The following PFKP variants were observed in gnomAD, a reference collection of about 807,000 sequenced individuals.
PFKP encodes ATP-dependent 6-phosphofructokinase, platelet type.
Under a neutral mutation model 94.3 loss-of-function variants are expected in PFKP, and 101 were observed. The ratio of observed to expected loss-of-function variants is 1.07; its 90% confidence interval spans 0.91 to 1.26. The LOEUF (loss-of-function observed/expected upper bound fraction) is 1.26. PFKP is among the 50% of genes most tolerant of loss of function. PFKP has a pLI of 0.00. For synonymous variants in PFKP, 573 were observed against 432.6 expected, an observed-to-expected ratio of 1.32 and a Z score of -4.03; for missense variants, 1,145 against 1,103.3, an observed-to-expected ratio of 1.04 and a Z score of -0.53.
Position 3,109,361 on chromosome 10 carries a change from C to G in PFKP, c.970C>G (p.Arg324Gly). The part of the protein sequence containing the change: ...PSAFDRILAS[R>G]MGVEAVIALL... ...ACATGGACCTGGTTTCCAGGCCAGC[C>G]GCATGGGAGTGGAGGCAGTCATCGC... The change falls in exon 10 of 22, where the codon CGC (arginine) becomes GGC (glycine). Residue 324 changes from arginine (R) to glycine (G), a missense_variant. Arg to Gly is a moderately radical substitution (Grantham distance 125). This residue lies in a region of PFKP where 1,119 missense variants were observed against 1,062.8 expected (regional missense o/e 1.05). Transcript: ENST00000381125. The G allele has an allele frequency of 6.2e-7, 1 of 1,609,938 alleles. No homozygotes were observed. Among genetic ancestry groups the G allele is most frequent in the Non-Finnish European group, 8.5e-7 (1 of 1,180,014 alleles).
intron 16 of PFKP, chr10:3,125,245 TTGAGG>T: frequency 2.3e-6 from 3 of 1,316,314 alleles, no homozygotes; most frequent in South Asian, 2.5e-5. Flanking sequence ...AATGCTGTTG[TTGAGG>T]TAAGAGAACC....
chr10:3,101,049 GC>G (rs1287076040), intron 3 of PFKP: 1 of 1,461,384 alleles, frequency 6.8e-7, no homozygotes, highest in Non-Finnish European at 9.6e-7. Context: ...GAGCTCGTTG[GC>G]CGGTGCTGAG....
intron 16 of PFKP, 174 bp from the exon 17 acceptor site, chr10:3,129,645 C>G: frequency 1.4e-6 from 1 of 691,304 alleles, no homozygotes; most frequent in Non-Finnish European, 2.4e-6. Context: ...CACGTTCACA[C>G]CCACTCCGAG....
At position 3,093,638 on chromosome 10, in the gene PFKP, C is replaced by CTTTTTTTTT. The variant is rs765547765; in HGVS notation, c.187-5622_187-5614dup. On this transcript the variant is annotated intron_variant, in intron 2 of 21. Transcript: ENST00000381125. ...CGATAACCACAGGAACAAGCATTAT[C>CTTTTTTTTT]TTTTTTTTTTTTTTTTTTTTTTTGA... Among the ~76,000 whole-genome samples the CTTTTTTTTT allele has an allele frequency of 6.5e-4, 61 of 94,054 alleles. 2 individuals carry two copies. The highest frequency in any genetic ancestry group is 1.8e-3 in the African/African-American group (38 of 21,250). 61.7% of individuals were successfully genotyped at this position (94,054 alleles called of 152,430 possible). A position where few individuals can be genotyped will look rare whatever the true frequency, so the allele number is the denominator to read the frequency against.
chr10:3,102,369 TGA>T (rs1383122614), intron 4 of PFKP, among the ~76,000 whole-genome samples: 2 of 152,094 alleles, frequency 1.3e-5, no homozygotes, highest in African/African-American at 4.8e-5. Flanking sequence ...AAAGCGTTTC[TGA>T]GAGCCCTGTG....
chr10:3,067,652 C>T lies in PFKP; in HGVS notation c.57C>T (p.His19=), dbSNP rs565920130. ...GCTCCTTGCGGAAGTTCCTGGAGCA[C>T]CTCTCCGGGGCCGGCAAGGCCATCG... ...PKGSLRKFLE[H]LSGAGKAIGV... Residue 19 remains histidine (H), a synonymous_variant, in exon 1 of 22, where the codon CAC becomes CAT. Coordinates refer to ENST00000381125, the MANE Select transcript of PFKP (RefSeq NM_002627.5). 6.5e-7 allele frequency: 1 copy of T among 1,535,354 alleles called. No individual in the cohort carries two copies. Among genetic ancestry groups the T allele is most frequent in the South Asian group, 1.2e-5 (1 of 83,076 alleles).
intron 13 of PFKP, among the ~76,000 whole-genome samples, chr10:3,114,450 T>C (rs4281389): frequency 0.56 from 85,812 of 152,138 alleles, 25,843 homozygotes; most frequent in East Asian, 0.84. Flanking sequence ...GTGCCCAGCC[T>C]CCTACTTTGT....
rs553011329 is a variant in PFKP, at chr10:3,100,503, C to T, written c.265-862C>T. On this transcript the variant is annotated intron_variant, in intron 3 of 21. Coordinates refer to ENST00000381125, the MANE Select transcript of PFKP (RefSeq NM_002627.5). ...TCTGTGTGTGAAAATGAGCTGTGTG[C>T]GTGCACCATTGGTGTATCGAAACAC... Among the ~76,000 whole-genome samples the T allele has an allele frequency of 7.2e-5, 11 of 152,200 alleles. No individual in the cohort carries two copies. In the South Asian group the frequency reaches 1.7e-3, roughly 23 times the overall value.
At position 3,101,374 on chromosome 10, in the gene PFKP, A is replaced by C; in HGVS notation, c.274A>C (p.Ile92Leu). 1.3e-6 allele frequency: 2 copies of C among 1,588,406 alleles called. No individual in the cohort carries two copies. Among genetic ancestry groups the C allele is most frequent in the Non-Finnish European group, 1.7e-6 (2 of 1,167,468 alleles). Reference protein sequence around the residue: ...VSSILQVGGTIIGSARCQAFR... With the variant: ...VSSILQVGGTLIGSARCQAFR... ...CTGGTGTCTTTCCCAGGGCGGGACG[A>C]TCATTGGCAGTGCGCGGTGCCAGGC... The change falls in exon 4 of 22, where the codon ATC (isoleucine) becomes CTC (leucine). Residue 92 changes from isoleucine (I) to leucine (L), a missense_variant. By Grantham distance (5) the Ile-to-Leu change is conservative. Coordinates refer to ENST00000381125, the MANE Select transcript of PFKP (RefSeq NM_002627.5).
chr10:3,096,809 C>T (rs61835135), intron 2 of PFKP, among the ~76,000 whole-genome samples: 51,970 of 141,412 alleles, frequency 0.37, 9,812 homozygotes, highest in Middle Eastern at 0.43. Flanking sequence ...CCGGGTGCGG[C>T]GGCTCATGCC....
At chr10:3,097,077 C>CAA (rs149491756) in intron 2 of PFKP, among the ~76,000 whole-genome samples, 5,046 of 86,486 alleles carry the variant, frequency 0.058, 214 homozygotes, top group Middle Eastern at 0.11. Context: ...GACTCCGTCT[C>CAA]AAAAAAACAA....
At chr10:3,069,336 G>A (rs1488342405) in intron 1 of PFKP, 1 of 1,581,514 alleles carries the variant, frequency 6.3e-7, no homozygotes, top group Non-Finnish European at 8.6e-7. Flanking sequence ...AAACAGGAGA[G>A]TGAAGTGGAA....
At chr10:3,081,011 C>T (rs1833025626) in intron 1 of PFKP, among the ~76,000 whole-genome samples, 1 of 152,132 alleles carries the variant, frequency 6.6e-6, no homozygotes, top group South Asian at 2.1e-4. Context: ...GAGAGATGGC[C>T]ACTAGTTAAT....
rs1649229917 is a variant in PFKP at position 3,129,879 on chromosome 10, A to C, written c.1744A>C (p.Thr582Pro). 1.9e-6 allele frequency: 3 copies of C among 1,613,512 alleles called. No homozygotes were observed. The highest frequency in any genetic ancestry group is 2.5e-6 in the Non-Finnish European group (3 of 1,179,922). ...CAAGCGGCGCGTGTTCATCATCGAG[A>C]CCATGGGCGGCTACTGTGGCTACCT... ...GTKRRVFIIETMGGYCGYLAN... is the reference protein window; with the variant it reads ...GTKRRVFIIEPMGGYCGYLAN... Residue 582 changes from threonine to proline, a missense_variant, in exon 17 of 22, where the codon ACC (threonine) becomes CCC (proline). Around this residue, in one of 3 missense-constraint regions of PFKP, gnomAD observed 1,119 missense variants for 1,062.8 expected, o/e 1.05. Transcript: ENST00000381125.
chr10:3,096,609 G>A (rs1487022061), intron 2 of PFKP, among the ~76,000 whole-genome samples: 1 of 151,426 alleles, frequency 6.6e-6, no homozygotes, highest in Non-Finnish European at 1.5e-5. Context: ...AGAAGGGTCC[G>A]TTTCACGGTG....
intron 18 of PFKP, among the ~76,000 whole-genome samples, 192 bp from the exon 19 acceptor site, chr10:3,133,011 C>T (rs1416117966): frequency 6.6e-6 from 1 of 152,190 alleles, no homozygotes; most frequent in African/African-American, 2.4e-5. Context: ...ATTTGTGGGC[C>T]TCAGTTGACC....
Position 3,118,792 on chromosome 10 carries a change from G to A in PFKP, c.1453G>A (p.Gly485Arg). Residue 485 changes from glycine (G) to arginine (R), a missense_variant, in exon 15 of 22, where the codon GGG becomes AGG. Gly to Arg is a moderately radical substitution (Grantham distance 125, BLOSUM62 -2). Transcript: ENST00000381125. ...CGTGGCTATTTTCAGCGTTCTCCCG[G>A]GGAAGTACTTGGAAGAGATCGCCAC... Reference protein sequence around the residue: ...SILGTKRVLPGKYLEEIATQM... With the variant: ...SILGTKRVLPRKYLEEIATQM... 6.2e-7 allele frequency: 1 copy of A among 1,613,322 alleles called. No individual in the cohort carries two copies. The highest frequency in any genetic ancestry group is 1.1e-5 in the South Asian group (1 of 90,942).
At chr10:3,111,058 ATATG>A (rs1403666287) in intron 10 of PFKP, among the ~76,000 whole-genome samples, 7 of 150,298 alleles carry the variant, frequency 4.7e-5, no homozygotes, top group Admixed American at 6.6e-5. Flanking sequence ...GCATGTGTAT[ATATG>A]TGTGTGAGGT....
chr10:3,082,476 C>T lies in PFKP; in HGVS notation c.186+15C>T. On this transcript the variant is annotated intron_variant, in intron 2 of 21. Transcript: ENST00000381125. ...TCATCTACGAGGTCAGTGTCTGCCC[C>T]TCACCCCCTGTCGCCCTTCTTCCAC... is the stretch of plus-strand genomic sequence containing the variant. 1.3e-6 allele frequency: 2 copies of T among 1,590,418 alleles called. No individual in the cohort carries two copies. Among genetic ancestry groups the T allele is most frequent in the Non-Finnish European group, 1.7e-6 (2 of 1,163,850 alleles).
Sources: gnomAD v4.1 joint callset for allele counts (sites outside exome capture counted in the v4.1 genomes callset) on GRCh38, gnomAD v4.1.1 for gene constraint, gnomAD v4.1.1 regional missense constraint, MANE v1.5 for transcripts, NCBI Gene and HGNC (gene_info 2026-07-23, HGNC 2026-07-21) for gene names.